Variants in IL1RAPL1 observed in about 807,000 individuals in gnomAD.
IL1RAPL1 encodes the protein interleukin 1 receptor accessory protein like 1.
In IL1RAPL1, 3 loss-of-function variants were observed where a neutral mutation model predicts 48.4. The ratio of observed to expected loss-of-function variants is 0.06; its 90% CI spans 0.03 to 0.16. The LOEUF (loss-of-function observed/expected upper bound fraction) is 0.16, where lower values mean the gene tolerates loss of function less well. IL1RAPL1 is among the 10% of genes least tolerant of loss of function. The probability of loss-of-function intolerance (pLI) is 1.00; values close to 1 mark genes in which losing one functional copy is unlikely to be tolerated. For synonymous variants in IL1RAPL1, 185 were observed against 187.7 expected (o/e 0.99, Z 0.12); for missense variants, 349 against 530.6 (o/e 0.66, Z 3.36).
chrX:29,147,461 C>T (rs1043857852), intron 2 of IL1RAPL1, among the ~76,000 whole-genome samples: 1 of 111,754 alleles, frequency 8.9e-6, no homozygotes, highest in South Asian at 3.8e-4. Context: ...ATTTAGAATT[C>T]TTAGTCCCTT....
At chrX:28,981,147 G>GAA (rs1925331610) in intron 2 of IL1RAPL1, among the ~76,000 whole-genome samples, 1 of 42,229 alleles carries the variant, frequency 2.4e-5, no homozygotes. Flanking sequence ...AGAAAGAAAA[G>GAA]AAAAAAATTC....
At chrX:29,550,261 G>A (rs1310119282) in intron 5 of IL1RAPL1, among the ~76,000 whole-genome samples, 1 of 109,946 alleles carries the variant, frequency 9.1e-6, no homozygotes, top group Non-Finnish European at 1.9e-5. Context: ...GCGGGATCTC[G>A]GCTCACTGCA....
chrX:29,687,017 G>T (rs1339471154), intron 6 of IL1RAPL1, among the ~76,000 whole-genome samples: 1 of 110,689 alleles, frequency 9.0e-6, no homozygotes, highest in Non-Finnish European at 1.9e-5. Flanking sequence ...ATGTTGGTGA[G>T]GATATGGAGA....
At chrX:29,535,464 T>C (rs995287629) in intron 5 of IL1RAPL1, among the ~76,000 whole-genome samples, 1 of 111,896 alleles carries the variant, frequency 8.9e-6, no homozygotes, top group Admixed American at 9.5e-5. Flanking sequence ...TAAAGGCTCT[T>C]TGTGGGGTAC....
At chrX:29,517,875 G>T (rs1935463326) in intron 5 of IL1RAPL1, among the ~76,000 whole-genome samples, 1 of 111,739 alleles carries the variant, frequency 8.9e-6, no homozygotes, top group Non-Finnish European at 1.9e-5. Flanking sequence ...TAGAAATTCT[G>T]TCTTTTATGA....
chrX:29,768,183 T>G (rs1423079709), intron 6 of IL1RAPL1, among the ~76,000 whole-genome samples: 6 of 112,313 alleles, frequency 5.3e-5, no homozygotes, highest in African/African-American at 1.6e-4. Context: ...ACCTAAGAAT[T>G]AAAAACTATT....
chrX:28,741,162 G>C (rs1320441742), intron 1 of IL1RAPL1, among the ~76,000 whole-genome samples: 1 of 111,796 alleles, frequency 8.9e-6, no homozygotes, highest in Non-Finnish European at 1.9e-5. Context: ...TATCAGTAGT[G>C]TTTAAGCATT....
Position 29,070,963 on chromosome X carries a change from A to G in IL1RAPL1, c.83-211975A>G, listed in dbSNP as rs558779688. On this transcript the variant is annotated intron_variant, in intron 2 of 10. Coordinates refer to ENST00000378993, the MANE Select transcript of IL1RAPL1 (RefSeq NM_014271.4). ...ATTCTATACAGAATATTACATATCT[A>G]TATCAGACATGATCAGAAATCAGTA... is the stretch of plus-strand genomic sequence containing the variant. Among the ~76,000 whole-genome samples, 19 of 111,894 alleles carry G rather than the reference A, an allele frequency of 1.7e-4. No individual in the cohort carries two copies. In the South Asian group the frequency reaches 6.7e-3, roughly 39 times the overall value.
chrX:29,605,914 A>C (rs1923876493), intron 5 of IL1RAPL1, among the ~76,000 whole-genome samples: 1 of 112,025 alleles, frequency 8.9e-6, no homozygotes, highest in Admixed American at 9.5e-5. Context: ...AAATTTGTTA[A>C]AGGAGTAAAG....
At chrX:29,641,557 G>A (rs1282453074) in intron 5 of IL1RAPL1, among the ~76,000 whole-genome samples, 1 of 111,637 alleles carries the variant, frequency 9.0e-6, no homozygotes, top group Non-Finnish European at 1.9e-5. Flanking sequence ...GCTCCCAATG[G>A]TCTCTTATTC....
At chrX:28,677,532 G>A (rs1005912968) in intron 1 of IL1RAPL1, among the ~76,000 whole-genome samples, 2 of 111,410 alleles carry the variant, frequency 1.8e-5, no homozygotes, top group African/African-American at 6.5e-5. Flanking sequence ...ACTCTGAGAT[G>A]TGTATACTTT....
chrX:28,837,629 G>A (rs7891596), intron 2 of IL1RAPL1, among the ~76,000 whole-genome samples: 2,838 of 105,511 alleles, frequency 0.027, 120 homozygotes, highest in African/African-American at 0.094. Context: ...GGATCATGAG[G>A]TGCTATTCTC....
intron 2 of IL1RAPL1, among the ~76,000 whole-genome samples, chrX:29,145,252 A>G (rs1301602916): frequency 8.9e-6 from 1 of 111,919 alleles, no homozygotes; most frequent in Non-Finnish European, 1.9e-5. Context: ...AGTGCCATTA[A>G]TGATGCCTTA....
At chrX:29,515,541 GAGA>G (rs759562623) in intron 5 of IL1RAPL1, among the ~76,000 whole-genome samples, 167 of 112,196 alleles carry the variant, frequency 1.5e-3, no homozygotes, top group Middle Eastern at 4.6e-3. Context: ...TAATTCTCTG[GAGA>G]TTCACCTAGG....
At chrX:28,722,028 T>C (rs1164907996) in intron 1 of IL1RAPL1, among the ~76,000 whole-genome samples, 1 of 111,640 alleles carries the variant, frequency 9.0e-6, no homozygotes, top group Non-Finnish European at 1.9e-5. Flanking sequence ...TCAGGTAGCA[T>C]GATGCCTCCA....
At chrX:29,488,548 G>A (rs1935121413) in intron 5 of IL1RAPL1, among the ~76,000 whole-genome samples, 1 of 112,338 alleles carries the variant, frequency 8.9e-6, no homozygotes, top group South Asian at 3.7e-4. Flanking sequence ...AAATTGACAA[G>A]ACAGATCTTA....
chrX:29,206,591 T>C (rs1042072643), intron 2 of IL1RAPL1, among the ~76,000 whole-genome samples: 3 of 111,967 alleles, frequency 2.7e-5, no homozygotes, highest in African/African-American at 9.7e-5. Context: ...ATAATAGTTG[T>C]AGTAATTATA....
chrX:29,214,578 C>G (rs1035144103), intron 2 of IL1RAPL1, among the ~76,000 whole-genome samples: 12 of 111,263 alleles, frequency 1.1e-4, no homozygotes, highest in Non-Finnish European at 1.7e-4. Context: ...CCTCACTACT[C>G]AAAAAATCTT....
intron 5 of IL1RAPL1, among the ~76,000 whole-genome samples, chrX:29,529,970 A>G (rs1470095916): frequency 1.8e-5 from 2 of 111,986 alleles, no homozygotes; most frequent in East Asian, 5.6e-4. Flanking sequence ...AAAACAAAAA[A>G]TAAACTACAC....
Sources: gnomAD v4.1 joint callset for allele counts (sites outside exome capture counted in the v4.1 genomes callset) on GRCh38, gnomAD v4.1.1 for gene constraint, MANE v1.5 for transcripts, NCBI Gene and HGNC (gene_info 2026-07-23, HGNC 2026-07-21) for gene names.